CHLSN: variants seen among roughly 807,000 people sequenced by gnomAD.
CHLSN encodes the protein protein cholesin.
At chr7:1,125,873 GA>G in the CHLSN span, among the ~76,000 whole-genome samples, 1 of 152,202 alleles carries the variant, frequency 6.6e-6, no homozygotes, top group South Asian at 2.1e-4. Flanking sequence ...AATCATTTGT[GA>G]AAATTCCTAA....
chr7:978,174 A>G, the CHLSN span, among the ~76,000 whole-genome samples: 2 of 152,168 alleles, frequency 1.3e-5, no homozygotes, highest in African/African-American at 4.8e-5. Flanking sequence ...TGAGATCTTT[A>G]GCTGGGAGAG....
chr7:1,135,958 A>AGT, the CHLSN span, among the ~76,000 whole-genome samples: 1 of 114,898 alleles, frequency 8.7e-6, no homozygotes, highest in South Asian at 2.4e-4. Flanking sequence ...AATATATATA[A>AGT]ATATATATAA....
chr7:988,196 T>A, the CHLSN span: 1 of 1,452,558 alleles, frequency 6.9e-7, no homozygotes, highest in Non-Finnish European at 9.3e-7. Flanking sequence ...AGGAGCTACA[T>A]CCTGGAATGA....
chr7:1,010,891 G>A, the CHLSN span, among the ~76,000 whole-genome samples: 6,934 of 152,050 alleles, frequency 0.046, 521 homozygotes, highest in African/African-American at 0.16. Context: ...TGTAGACTCC[G>A]AGCAAGGCCA....
the CHLSN span, among the ~76,000 whole-genome samples, chr7:1,103,623 T>G: frequency 6.6e-6 from 1 of 152,198 alleles, no homozygotes. Context: ...ACGCTTTCAT[T>G]ATGATCAAAT....
the CHLSN span, among the ~76,000 whole-genome samples, chr7:1,100,936 G>C: frequency 6.6e-6 from 1 of 152,092 alleles, no homozygotes; most frequent in East Asian, 1.9e-4. Context: ...ACAGAGCCCC[G>C]TGCACCCCTG....
At chr7:1,016,684 C>T in the CHLSN span, among the ~76,000 whole-genome samples, 2 of 133,156 alleles carry the variant, frequency 1.5e-5, no homozygotes, top group African/African-American at 6.0e-5. Context: ...CACGCCAGGG[C>T]ACAGCAGCGC....
At chr7:1,040,182 TTA>T in the CHLSN span, among the ~76,000 whole-genome samples, 7,965 of 96,032 alleles carry the variant, frequency 0.083, 694 homozygotes, top group African/African-American at 0.18. Context: ...AAAAATAAAT[TTA>T]AAAAAAAAAA....
At chr7:1,027,206 C>CTT in the CHLSN span, among the ~76,000 whole-genome samples, 1 of 152,352 alleles carries the variant, frequency 6.6e-6, no homozygotes, top group South Asian at 2.1e-4. Flanking sequence ...GGTTTTCTCA[C>CTT]TTTGCCACAA....
chr7:1,119,685 C>T, the CHLSN span, among the ~76,000 whole-genome samples: 2 of 152,080 alleles, frequency 1.3e-5, no homozygotes, highest in African/African-American at 4.8e-5. Flanking sequence ...AAGACCAGCC[C>T]AGCCAACAAG....
chr7:1,008,859 ACG>A, the CHLSN span, among the ~76,000 whole-genome samples: 1 of 149,742 alleles, frequency 6.7e-6, no homozygotes, highest in African/African-American at 2.5e-5. Context: ...ACGTAAACAC[ACG>A]CACACACGTG....
At chr7:988,055 C>T in the CHLSN span, among the ~76,000 whole-genome samples, 2 of 152,022 alleles carry the variant, frequency 1.3e-5, 1 homozygote, top group South Asian at 4.1e-4. Flanking sequence ...CTGGGGCGTC[C>T]CTCTCCATGC....
the CHLSN span, among the ~76,000 whole-genome samples, chr7:1,084,240 C>T: frequency 6.6e-6 from 1 of 152,236 alleles, no homozygotes; most frequent in Non-Finnish European, 1.5e-5. Context: ...CTGTGAGGAT[C>T]GGATGCCCGA....
At chr7:1,044,342 C>G in the CHLSN span, among the ~76,000 whole-genome samples, 1 of 152,390 alleles carries the variant, frequency 6.6e-6, no homozygotes, top group Admixed American at 6.5e-5. Context: ...CACAGGGAAT[C>G]TCGCACGAGT....
At chr7:1,092,517 G>A in the CHLSN span, 275,845 of 1,607,768 alleles carry the variant, frequency 0.17, 25,073 homozygotes, top group Non-Finnish European at 0.19. Context: ...TGATCCTCGC[G>A]GTGGTGCTGG....
At chr7:1,118,327 G>A in the CHLSN span, among the ~76,000 whole-genome samples, 1 of 152,096 alleles carries the variant, frequency 6.6e-6, no homozygotes, top group African/African-American at 2.4e-5. Context: ...AGACCTTTTC[G>A]CTTACTTAAA....
At chr7:1,039,104 T>C in the CHLSN span, among the ~76,000 whole-genome samples, 1 of 44,820 alleles carries the variant, frequency 2.2e-5, no homozygotes, top group Non-Finnish European at 4.5e-5. Flanking sequence ...GTCCGGGAGG[T>C]GAGGGGCGCC....
At chr7:1,104,052 C>T in the CHLSN span, among the ~76,000 whole-genome samples, 1 of 152,264 alleles carries the variant, frequency 6.6e-6, no homozygotes, top group Non-Finnish European at 1.5e-5. Context: ...ACCCACCAGG[C>T]TCTGCCATGG....
At chr7:1,118,734 G>T in the CHLSN span, among the ~76,000 whole-genome samples, 1 of 146,410 alleles carries the variant, frequency 6.8e-6, no homozygotes, top group Admixed American at 6.9e-5. Context: ...GCCTGAGGAG[G>T]GAGAATCACT....
Sources: allele counts gnomAD v4.1 joint callset (sites outside exome capture counted in the v4.1 genomes callset), GRCh38; gene constraint gnomAD v4.1.1; transcripts MANE v1.5; gene names NCBI Gene and HGNC (gene_info 2026-07-23, HGNC 2026-07-21).